ALDH5A1: variants seen among roughly 807,000 people sequenced by gnomAD.
ALDH5A1 encodes succinate-semialdehyde dehydrogenase, mitochondrial.
ALDH5A1 carries 33 observed loss-of-function variants against 54.7 expected under a neutral mutation model. The observed-to-expected ratio is 0.60, with a 90% CI of 0.46 to 0.81. The LOEUF (loss-of-function observed/expected upper bound fraction) is 0.81. ALDH5A1 is among the 30% of genes least tolerant of loss of function. The pLI is 0.00. For synonymous variants in ALDH5A1, 294 were observed against 292.7 expected (o/e 1.00, Z -0.05); for missense variants, 657 against 711.0 (o/e 0.92, Z 0.86).
intron 8 of ALDH5A1, 125 bp downstream of exon 8, chr6:24,528,291 G>A: frequency 9.8e-7 from 1 of 1,022,470 alleles, no homozygotes; most frequent in Non-Finnish European, 1.5e-6. Flanking sequence ...TGAGTCCATT[G>A]AAGAGCAGAG....
At chr6:24,505,365 C>T (rs558873668) in intron 4 of ALDH5A1, among the ~76,000 whole-genome samples, 2 of 152,292 alleles carry the variant, frequency 1.3e-5, no homozygotes, top group African/African-American at 4.8e-5. Flanking sequence ...CTCAAGTGGC[C>T]TCTTGTGTCA....
intron 1 of ALDH5A1, among the ~76,000 whole-genome samples, chr6:24,497,138 G>A (rs1764727613): frequency 6.6e-6 from 1 of 152,184 alleles, no homozygotes; most frequent in African/African-American, 2.4e-5. Flanking sequence ...AAGAGCAAAA[G>A]AAGAAAGCTT....
chr6:24,519,623 A>C (rs191340482), intron 5 of ALDH5A1, among the ~76,000 whole-genome samples: 73 of 152,274 alleles, frequency 4.8e-4, no homozygotes, highest in African/African-American at 1.7e-3. Context: ...GGATCTTCAC[A>C]TTAGAGTGTT....
intron 4 of ALDH5A1, among the ~76,000 whole-genome samples, chr6:24,508,031 T>C (rs529434866): frequency 1.3e-5 from 2 of 152,180 alleles, no homozygotes; most frequent in Admixed American, 6.5e-5. Flanking sequence ...TGAGAACATA[T>C]GATGTTTAGT....
At chr6:24,501,541 C>T (rs2760126) in intron 1 of ALDH5A1, among the ~76,000 whole-genome samples, 49,946 of 151,828 alleles carry the variant, frequency 0.33, 8,577 homozygotes, top group African/African-American at 0.39. Flanking sequence ...TTGTAACAGA[C>T]ACAGAGGAGT....
intron 4 of ALDH5A1, among the ~76,000 whole-genome samples, chr6:24,510,607 A>T (rs1290271547): frequency 1.3e-5 from 2 of 152,128 alleles, no homozygotes; most frequent in Non-Finnish European, 2.9e-5. Flanking sequence ...GTTTTGTCTA[A>T]TATAAGAATA....
chr6:24,508,361 C>CAAAAAAAAAAAAAAAAAA (rs1214819272), intron 4 of ALDH5A1, among the ~76,000 whole-genome samples: 7 of 13,076 alleles, frequency 5.4e-4, no homozygotes, highest in African/African-American at 9.9e-4. Flanking sequence ...ACTCCATCTC[C>CAAAAAAAAAAAAAAAAAA]AAAAAAAAAA....
intron 8 of ALDH5A1, among the ~76,000 whole-genome samples, chr6:24,529,967 C>T (rs1759897609): frequency 6.6e-6 from 1 of 152,146 alleles, no homozygotes; most frequent in African/African-American, 2.4e-5. Context: ...CCACCATGCC[C>T]AGCTCATTAA....
chr6:24,499,248 C>T (rs183218273), intron 1 of ALDH5A1, among the ~76,000 whole-genome samples: 1,559 of 152,024 alleles, frequency 0.01, 6 homozygotes, highest in African/African-American at 0.019. Context: ...GCCGAGATGG[C>T]GCCACTGTAC....
intron 1 of ALDH5A1, among the ~76,000 whole-genome samples, chr6:24,497,253 G>A (rs999554949): frequency 2.5e-4 from 38 of 152,178 alleles, no homozygotes; most frequent in African/African-American, 8.9e-4. Flanking sequence ...TTCCGTTTCT[G>A]TCCCATCAGA....
chr6:24,496,424 A>G (rs1407580422), intron 1 of ALDH5A1, among the ~76,000 whole-genome samples: 1 of 152,256 alleles, frequency 6.6e-6, no homozygotes, highest in Non-Finnish European at 1.5e-5. Context: ...TGCAGCATCA[A>G]CAGTGTGACC....
intron 4 of ALDH5A1, 65 bp from the exon 5 acceptor site, chr6:24,515,102 C>CTTTTTTTTTTTTTTTTTTT (rs4646842): frequency 1.3e-4 from 122 of 932,028 alleles, no homozygotes; most frequent in South Asian, 4.1e-4. Flanking sequence ...TTTCTCTTTT[C>CTTTTTTTTTTTTTTTTTTT]TTTTTTTTTT....
In ALDH5A1 at chr6:24,495,001, C is replaced by T. The variant is rs780751641; in HGVS notation, c.5C>T (p.Ala2Val). ...GTCGCCGTCGTTGCCCGGGCCATGG[C>T]GACCTGCATTTGGCTGCGGAGCTGT... is the stretch of plus-strand genomic sequence containing the variant. MATCIWLRSCGA... is the reference protein window; with the variant it reads MVTCIWLRSCGA... The change falls in exon 1 of 10, where the codon GCG (alanine) becomes GTG (valine). Residue 2 changes from alanine (A) to valine (V), a missense_variant. Around this residue, in one of 2 missense-constraint regions of ALDH5A1, gnomAD observed 232 missense variants for 194.6 expected, o/e 1.19. Transcript: ENST00000357578. 13 of 1,318,440 alleles carry T rather than the reference C, an allele frequency of 9.9e-6. No homozygotes were observed. The highest frequency in any genetic ancestry group is 6.2e-5 in the Admixed American group (2 of 32,440). The allele number at this position is 1,318,440 out of a possible 1,614,324, so 81.7% of individuals were successfully genotyped here.
intron 4 of ALDH5A1, among the ~76,000 whole-genome samples, chr6:24,511,163 A>G (rs1205138307): frequency 2.0e-5 from 3 of 152,288 alleles, no homozygotes; most frequent in East Asian, 3.9e-4. Flanking sequence ...AGTCCCTTCT[A>G]GTTTGTAGGG....
Position 24,503,437 on chromosome 6 carries a change from G to C in ALDH5A1, c.609+4G>C. 7 of 1,611,522 alleles carry C rather than the reference G, an allele frequency of 4.3e-6. No individual in the cohort carries two copies. Among genetic ancestry groups the C allele is most frequent in the Non-Finnish European group, 5.9e-6 (7 of 1,179,874 alleles). ...CGTGGCTGCAGTCATCACCCCGGTA[G>C]GTGACAGGATCAGCAAGATCCTAGG... On this transcript the variant is annotated splice_donor_region_variant and intron_variant, in intron 3 of 9. Coordinates refer to ENST00000357578, the MANE Select transcript of ALDH5A1 (RefSeq NM_001080.3).
chr6:24,496,762 C>T (rs1764715300), intron 1 of ALDH5A1, among the ~76,000 whole-genome samples: 1 of 152,194 alleles, frequency 6.6e-6, no homozygotes, highest in Non-Finnish European at 1.5e-5. Flanking sequence ...GTGTCCTAAT[C>T]TCTTCTTCTT....
At chr6:24,527,577 CAAATAAAT>C (rs140565872) in intron 7 of ALDH5A1, among the ~76,000 whole-genome samples, 1 of 151,912 alleles carries the variant, frequency 6.6e-6, no homozygotes, top group African/African-American at 2.4e-5. Context: ...ATCTCAAAAA[CAAATAAAT>C]AAATAACAAC....
At chr6:24,514,980 C>T (rs756475291) in intron 4 of ALDH5A1, among the ~76,000 whole-genome samples, 187 bp from the exon 5 acceptor site, 3 of 151,966 alleles carry the variant, frequency 2.0e-5, no homozygotes, top group Non-Finnish European at 2.9e-5. Flanking sequence ...TTAATATTAA[C>T]GTGACTTTAG....
intron 1 of ALDH5A1, among the ~76,000 whole-genome samples, chr6:24,497,136 A>G (rs1170483667): frequency 6.6e-6 from 1 of 152,170 alleles, no homozygotes; most frequent in Admixed American, 6.5e-5. Context: ...TGAAGAGCAA[A>G]AGAAGAAAGC....
Sources: allele counts gnomAD v4.1 joint callset (sites outside exome capture counted in the v4.1 genomes callset), GRCh38; gene constraint gnomAD v4.1.1; regional missense constraint gnomAD v4.1.1; transcripts MANE v1.5; gene names NCBI Gene and HGNC (gene_info 2026-07-23, HGNC 2026-07-21).